PLEKHG2: variants seen among roughly 807,000 people sequenced by gnomAD.
PLEKHG2 encodes pleckstrin homology domain-containing family G member 2.
PLEKHG2 carries 71 observed loss-of-function variants against 104.4 expected under a neutral mutation model. The observed-to-expected ratio is 0.68, with a 90% CI of 0.56 to 0.83. The LOEUF (loss-of-function observed/expected upper bound fraction) is 0.83, where lower values mean the gene tolerates loss of function less well. Among genes scored for constraint, PLEKHG2 ranks in the 40% least tolerant of loss-of-function variants. The probability of loss-of-function intolerance (pLI) is 0.00; values close to 1 mark genes in which losing one functional copy is unlikely to be tolerated. For missense variants in PLEKHG2, 1,730 were observed against 1,809.4 expected (o/e 0.96, Z 0.80); for synonymous variants, 728 against 737.0 (o/e 0.99, Z 0.20).
rs1173282001 is a variant in PLEKHG2 at position 39,418,965 on chromosome 19, CTCT to C, written c.1230_1232del (p.Phe411del). The stretch of plus-strand genomic sequence containing the variant: ...GCTGTGGATTCACTGTCTCCAGCGC[CTCT>C]TCTTTGAGAACCACCCTGCCTCCAT... On this transcript the variant is annotated inframe_deletion, in exon 11 of 19. Transcript: ENST00000425673. 6.2e-7 allele frequency: 1 copy of C among 1,613,368 alleles called. No homozygotes were observed. The highest frequency in any genetic ancestry group is 1.1e-5 in the South Asian group (1 of 91,008).
At position 39,416,738 on chromosome 19, in the gene PLEKHG2, G is replaced by A; in HGVS notation, c.594-112G>A. ...GACAGTAACTGACCTCTCCCTCACT[G>A]CCCCGCCCCCTGTCAGACCCTGACC... On this transcript the variant is annotated intron_variant, in intron 6 of 18. Transcript: ENST00000425673. The surrounding 1 kb of genome is among the most constrained non-coding windows in gnomAD (Gnocchi z 4.5). The A allele has an allele frequency of 6.8e-7, 1 of 1,466,654 alleles. No individual in the cohort carries two copies. Among genetic ancestry groups the A allele is most frequent in the Non-Finnish European group, 9.3e-7 (1 of 1,070,576 alleles). 90.9% of individuals were successfully genotyped at this position (1,466,654 alleles called of 1,614,324 possible). A position where few individuals can be genotyped will look rare whatever the true frequency, so the allele number is the denominator to read the frequency against.
Position 39,417,676 on chromosome 19 carries a change from A to G in PLEKHG2, c.866A>G (p.His289Arg), listed in dbSNP as rs778728567. ...YINDMKRKQEHAARLQEVQRR... is the reference protein window; with the variant it reads ...YINDMKRKQERAARLQEVQRR... ...AACGACATGAAGCGCAAGCAGGAGC[A>G]TGCAGCGCGCCTCCAGGTGGCCCCA... The change falls in exon 8 of 19, where the codon CAT becomes CGT. Residue 289 changes from histidine (H) to arginine (R), a missense_variant. Coordinates refer to ENST00000425673, the MANE Select transcript of PLEKHG2 (RefSeq NM_022835.3). 2 of 1,563,274 alleles carry G rather than the reference A, an allele frequency of 1.3e-6. No homozygotes were observed. Among genetic ancestry groups the G allele is most frequent in the Non-Finnish European group, 1.7e-6 (2 of 1,148,950 alleles).
In PLEKHG2 at chr19:39,426,845, AT is replaced by A. The variant is rs34521090; in HGVS notation, c.*1568del. On this transcript the variant is annotated 3_prime_UTR_variant, in exon 19 of 19. Coordinates refer to ENST00000425673, the MANE Select transcript of PLEKHG2 (RefSeq NM_022835.3). ...AGGGAAGGAGGAGCTTGGGAATCTG[AT>A]TTTTTTTTTTTTTTTTAGATAAAGT... The A allele has an allele frequency of 1.9e-3, 272 of 142,092 alleles. No homozygotes were observed. Among genetic ancestry groups the A allele is most frequent in the Middle Eastern group, 3.8e-3 (1 of 266 alleles). 8.8% of individuals were successfully genotyped at this position (142,092 alleles called of 1,614,324 possible).
chr19:39,418,535 T>C (rs571917112), intron 9 of PLEKHG2, among the ~76,000 whole-genome samples, 199 bp from the exon 10 acceptor site: 4 of 151,146 alleles, frequency 2.6e-5, no homozygotes, highest in Non-Finnish European at 4.4e-5. Context: ...GCCAAGATCA[T>C]GCCACTGCAC....
rs1451538856 is a variant in PLEKHG2, at chr19:39,422,099, C to CTGTGAG, written c.1504-15_1504-14insGTGAGT. Reference sequence around the variant, plus strand: ...GAGTCTTGGCTCTTGCCTTCCATTGCTTTCCCTCCTCACAGCACGCTGGCA... The same window carrying CTGTGAG: ...GAGTCTTGGCTCTTGCCTTCCATTGCTGTGAGTTTCCCTCCTCACAGCACGCTGGCA... On this transcript the variant is annotated splice_polypyrimidine_tract_variant and intron_variant, in intron 16 of 18. Coordinates refer to ENST00000425673, the MANE Select transcript of PLEKHG2 (RefSeq NM_022835.3). 2.5e-6 allele frequency: 4 copies of CTGTGAG among 1,598,058 alleles called. No individual in the cohort carries two copies. Among genetic ancestry groups the CTGTGAG allele is most frequent in the Non-Finnish European group, 2.6e-6 (3 of 1,172,346 alleles).
intron 8 of PLEKHG2, 55 bp downstream of exon 8, chr19:39,417,747 T>TTG: frequency 3.2e-6 from 1 of 308,076 alleles, no homozygotes; most frequent in South Asian, 3.5e-5. Flanking sequence ...GAGGGGGCCT[T>TTG]GGGGCGGGTG....
chr19:39,418,683 C>T (rs2078648412), intron 9 of PLEKHG2, 51 bp from the exon 10 acceptor site: 2 of 1,447,748 alleles, frequency 1.4e-6, no homozygotes, highest in Non-Finnish European at 1.9e-6. Context: ...GTACAAGGGG[C>T]ATCACTGAGC....
chr19:39,417,372 C>G (rs1311874019), intron 7 of PLEKHG2, among the ~76,000 whole-genome samples, 183 bp from the exon 8 acceptor site: 2 of 151,310 alleles, frequency 1.3e-5, no homozygotes, highest in Non-Finnish European at 2.9e-5. Flanking sequence ...GGGCTAGTCT[C>G]GAACTCCTGG....
At position 39,419,879 on chromosome 19, in the gene PLEKHG2, C is replaced by CA. The variant is rs993515390; in HGVS notation, c.1264-735dup. The stretch of plus-strand genomic sequence containing the variant: ...TGGGCAACAGAGTGAGCCTCTGTCT[C>CA]AAAAAAAAAAAAGAAAAAGAAAAAT... On this transcript the variant is annotated intron_variant, in intron 11 of 18. Transcript: ENST00000425673. Among the ~76,000 whole-genome samples the CA allele has an allele frequency of 2.3e-3, 227 of 100,158 alleles. 1 individual carries two copies. Among genetic ancestry groups the CA allele is most frequent in the East Asian group, 9.9e-3 (35 of 3,546 alleles). 65.7% of individuals were successfully genotyped at this position (100,158 alleles called of 152,430 possible). A position where few individuals can be genotyped will look rare whatever the true frequency, so the allele number is the denominator to read the frequency against.
At chr19:39,422,058 C>T in intron 16 of PLEKHG2, 57 bp from the exon 17 acceptor site, 1 of 1,515,700 alleles carries the variant, frequency 6.6e-7, no homozygotes, top group Non-Finnish European at 8.9e-7. Flanking sequence ...GACTTGGGGT[C>T]CTCTATGTGA....
In PLEKHG2 at chr19:39,422,715, T is replaced by G. The variant is rs2078718751; in HGVS notation, c.1678-17T>G. The stretch of plus-strand genomic sequence containing the variant: ...CCATGCTGATATGTTTGGCTTGTTC[T>G]CCTGTGCCCACTATAGCCGTCCACC... On this transcript the variant is annotated splice_polypyrimidine_tract_variant and intron_variant, in intron 17 of 18. Transcript: ENST00000425673. 6.6e-7 allele frequency: 1 copy of G among 1,513,176 alleles called. No individual in the cohort carries two copies. Among genetic ancestry groups the G allele is most frequent in the Admixed American group, 2.3e-5 (1 of 43,628 alleles). The allele number at this position is 1,513,176 out of a possible 1,614,324, so 93.7% of individuals were successfully genotyped here. A position where few individuals can be genotyped will look rare whatever the true frequency, so the allele number is the denominator to read the frequency against.
rs776854441 is a variant in PLEKHG2 at position 39,423,024 on chromosome 19, C to G, written c.1970C>G (p.Pro657Arg). The stretch of plus-strand genomic sequence containing the variant: ...GAAATTCCCGAAGGTTCTCGCCTTC[C>G]TAGTCTCTCTGACATTTCCGATGTT... ...RCEIPEGSRL[P>R]SLSDISDVFE... Residue 657 changes from proline to arginine, a missense_variant, in exon 18 of 19, where the codon CCT becomes CGT. By Grantham distance (103) the Pro-to-Arg change is moderately radical. Transcript: ENST00000425673. The G allele has an allele frequency of 8.7e-6, 14 of 1,614,018 alleles. No homozygotes were observed. The highest frequency in any genetic ancestry group is 1.3e-5 in the African/African-American group (1 of 74,912).
Position 39,415,441 on chromosome 19 carries a change from T to C in PLEKHG2, c.479+2T>C. 1 of 1,613,830 alleles carries C rather than the reference T, an allele frequency of 6.2e-7. No homozygotes were observed. Among genetic ancestry groups the C allele is most frequent in the Non-Finnish European group, 8.5e-7 (1 of 1,179,918 alleles). On this transcript the variant is annotated splice_donor_variant, in intron 4 of 18. Transcript: ENST00000425673. LOFTEE classifies it high-confidence loss of function. The surrounding 1 kb of genome is among the most constrained non-coding windows in gnomAD (Gnocchi z 4.6). ...TGAGGACATCTACGAGTTCAGCAGG[T>C]CAGGGGCAGGGGGGACAGGCAGGGG...
rs74983377 is a variant in PLEKHG2, at chr19:39,420,992, G to A, written c.1443G>A (p.Gln481=). 1,868 of 1,614,108 alleles carry A rather than the reference G, an allele frequency of 1.2e-3. 15 individuals carry two copies. The African/African-American group carries it at 0.02, about 17-fold the overall frequency. ...CTGTGATTCGCCGAGGCCGCAGGCA[G>A]TCTGGTGAGCACTCACCCCTAAGGG... The part of the protein sequence containing the change: ...GPSVIRRGRR[Q]SEPVKDPYVM... Residue 481 remains glutamine (Q), a synonymous_variant, in exon 14 of 19, where the codon CAG becomes CAA. Coordinates refer to ENST00000425673, the MANE Select transcript of PLEKHG2 (RefSeq NM_022835.3).
Position 39,423,449 on chromosome 19 carries a change from G to A in PLEKHG2, c.2395G>A (p.Asp799Asn), listed in dbSNP as rs1200208897. The A allele has an allele frequency of 4.4e-6, 7 of 1,606,846 alleles. No homozygotes were observed. The highest frequency in any genetic ancestry group is 5.1e-6 in the Non-Finnish European group (6 of 1,175,502). The change falls in exon 18 of 19, where the codon GAC (aspartate) becomes AAC (asparagine). Residue 799 changes from aspartate (D) to asparagine (N), a missense_variant. Coordinates refer to ENST00000425673, the MANE Select transcript of PLEKHG2 (RefSeq NM_022835.3). ...CCTGGAGGATTCGGATCTGGGTGGA[G>A]ACAGCGGGAGCGGGAAGGCAGGAGC... Reference protein sequence around the residue: ...LILEDSDLGGDSGSGKAGAPS... With the variant: ...LILEDSDLGGNSGSGKAGAPS...
chr19:39,415,348 G>C lies in PLEKHG2; in HGVS notation c.388G>C (p.Gly130Arg). The change falls in exon 4 of 19, where the codon GGC becomes CGC. Residue 130 changes from glycine to arginine, a missense_variant. Gly to Arg is a moderately radical substitution (Grantham distance 125). Transcript: ENST00000425673. The surrounding 1 kb of genome is among the most constrained non-coding windows in gnomAD (Gnocchi z 4.6). ...CCAGTCATCCCAACAGGACTACCTG[G>C]GCCCTCTGCTGGACGGCGGGGTCCT... ...DLRSIVEDYL[G>R]PLLDGGVLGL... 1 of 1,614,042 alleles carries C rather than the reference G, an allele frequency of 6.2e-7. No individual in the cohort carries two copies.
At position 39,417,005 on chromosome 19, in the gene PLEKHG2, G is replaced by C; in HGVS notation, c.744+5G>C. ...AAGTACCATCTGCTGCTGCAGGTCA[G>C]CTGGGGCCCCTGGAGCCAGGCTGGG... is the stretch of plus-strand genomic sequence containing the variant. On this transcript the variant is annotated splice_donor_5th_base_variant and intron_variant, in intron 7 of 18. Transcript: ENST00000425673. 1 of 1,595,514 alleles carries C rather than the reference G, an allele frequency of 6.3e-7. No homozygotes were observed. Among genetic ancestry groups the C allele is most frequent in the South Asian group, 1.1e-5 (1 of 89,734 alleles).
chr19:39,417,386 C>T (rs2078623223), intron 7 of PLEKHG2, among the ~76,000 whole-genome samples, 169 bp from the exon 8 acceptor site: 2 of 152,098 alleles, frequency 1.3e-5, no homozygotes, highest in East Asian at 1.9e-4. Flanking sequence ...CTCCTGGCCT[C>T]AGGTGATTTG....
In PLEKHG2 at chr19:39,418,827, G is replaced by T; in HGVS notation, c.1176+1G>T. 6.2e-7 allele frequency: 1 copy of T among 1,607,150 alleles called. No homozygotes were observed. The highest frequency in any genetic ancestry group is 8.5e-7 in the Non-Finnish European group (1 of 1,174,530). On this transcript the variant is annotated splice_donor_variant, in intron 10 of 18. Coordinates refer to ENST00000425673, the MANE Select transcript of PLEKHG2 (RefSeq NM_022835.3). LOFTEE classifies it high-confidence loss of function. ...TCCCAAGCACAGACACCTGCTCCAG[G>T]TGAGCATGTAGTGGGATCAGGCTGG...
Sources: allele counts gnomAD v4.1 joint callset (sites outside exome capture counted in the v4.1 genomes callset), GRCh38; gene constraint gnomAD v4.1.1; non-coding constraint Gnocchi (gnomAD v3.1); transcripts MANE v1.5; gene names NCBI Gene and HGNC (gene_info 2026-07-23, HGNC 2026-07-21).